The following FHAD1 variants were observed in gnomAD, a reference collection of about 807,000 sequenced individuals.
FHAD1 encodes forkhead associated phosphopeptide binding domain 1, also known as forkhead-associated domain-containing protein 1.
In FHAD1, 146 loss-of-function variants were observed where a neutral mutation model predicts 191.3. The ratio of observed to expected loss-of-function variants is 0.76; its 90% CI spans 0.67 to 0.88. The LOEUF is 0.88. Ranked by LOEUF, FHAD1 falls within the 40% of genes least tolerant of loss-of-function variation. The pLI, the probability that FHAD1 is intolerant of heterozygous loss-of-function variation, is 0.00. For synonymous variants in FHAD1, 616 were observed against 672.3 expected (o/e 0.92, Z 1.29); for missense variants, 1,635 against 1,785.8 (o/e 0.92, Z 1.52).
At chr1:15,391,292 CTCTT>C in intron 33 of FHAD1, 29 bp downstream of exon 33, 1 of 1,269,754 alleles carries the variant, frequency 7.9e-7, no homozygotes, top group Non-Finnish European at 1.0e-6. Context: ...CTTTAGAATT[CTCTT>C]TTTTTGTTGT....
At chr1:15,336,338 T>A (rs1211243344) in intron 14 of FHAD1, among the ~76,000 whole-genome samples, 2 of 152,212 alleles carry the variant, frequency 1.3e-5, no homozygotes, top group African/African-American at 4.8e-5. Context: ...CACGCTTCTG[T>A]GCTGGAAATC....
chr1:15,397,169 C>T (rs1414406882), intron 33 of FHAD1, 128 bp from the exon 34 acceptor site: 20 of 433,296 alleles, frequency 4.6e-5, no homozygotes, highest in Non-Finnish European at 4.1e-5. Context: ...CCAGCCTGGG[C>T]GATAGAGCGA....
At chr1:15,314,606 GGTATGT>G (rs2101238304) in intron 8 of FHAD1, 1 of 150,552 alleles carries the variant, frequency 6.6e-6, no homozygotes, top group East Asian at 1.9e-4. Flanking sequence ...CAGGTGTGTG[GGTATGT>G]GGGTGTGGGT....
intron 2 of FHAD1, among the ~76,000 whole-genome samples, chr1:15,263,144 G>C (rs1386015734): frequency 6.6e-6 from 1 of 152,080 alleles, no homozygotes; most frequent in Admixed American, 6.6e-5. Context: ...TTTTTTAATA[G>C]GGTTATTTTT....
chr1:15,293,456 AT>A (rs1407581686), intron 4 of FHAD1, among the ~76,000 whole-genome samples: 1 of 152,188 alleles, frequency 6.6e-6, no homozygotes, highest in African/African-American at 2.4e-5. Flanking sequence ...GCGGTGGCTC[AT>A]GCCTGTAATC....
At chr1:15,256,124 C>T (rs1201259485) in intron 2 of FHAD1, among the ~76,000 whole-genome samples, 1 of 152,170 alleles carries the variant, frequency 6.6e-6, no homozygotes. Context: ...GGGTTTTGAA[C>T]TGTAATGTTT....
At chr1:15,260,852 G>T (rs56722038) in intron 2 of FHAD1, among the ~76,000 whole-genome samples, 1 of 152,146 alleles carries the variant, frequency 6.6e-6, no homozygotes, top group South Asian at 2.1e-4. Context: ...GTTTCAAGAT[G>T]AGTCATCGTT....
chr1:15,375,534 G>T, intron 27 of FHAD1, 69 bp from the exon 28 acceptor site: 3 of 1,403,474 alleles, frequency 2.1e-6, no homozygotes, highest in Non-Finnish European at 2.8e-6. Context: ...GTAAATAGTT[G>T]CTATGGTTAT....
chr1:15,402,454 G>A (rs991174740), downstream of FHAD1, among the ~76,000 whole-genome samples: 1 of 152,110 alleles, frequency 6.6e-6, no homozygotes, highest in Non-Finnish European at 1.5e-5. Flanking sequence ...TACTTTTGAC[G>A]TCCACATATC....
chr1:15,359,491 G>C (rs1007900454), intron 21 of FHAD1, among the ~76,000 whole-genome samples: 17 of 152,104 alleles, frequency 1.1e-4, no homozygotes, highest in African/African-American at 4.1e-4. Flanking sequence ...TTAGGAGGTT[G>C]TAGGCATGGG....
intron 16 of FHAD1, among the ~76,000 whole-genome samples, chr1:15,344,827 C>T (rs1034384218): frequency 4.6e-5 from 7 of 152,182 alleles, no homozygotes; most frequent in Admixed American, 1.3e-4. Flanking sequence ...TTACTGTCTC[C>T]GTTGTACAGG....
chr1:15,265,939 C>A (rs1413900772), intron 2 of FHAD1, among the ~76,000 whole-genome samples: 1 of 134,384 alleles, frequency 7.4e-6, no homozygotes, highest in Non-Finnish European at 1.5e-5. Flanking sequence ...CCACTGCACT[C>A]CAGCCTGGGT....
In FHAD1 at chr1:15,375,646, C is replaced by T. The variant is rs1452032123; in HGVS notation, c.3621C>T (p.Asn1207=). The change falls in exon 28 of 34, where the codon AAC becomes AAT. Residue 1207 remains asparagine (N), a synonymous_variant. Coordinates refer to ENST00000688493, the MANE Select transcript of FHAD1 (RefSeq NM_001391957.1). ...HQNESFLDLK[N]LRMENNVQKI... is the part of the protein sequence containing the mutation. ...ATGAATCATTTCTAGATTTAAAGAACCTCAGAATGGAAAACAATGTCCAGA... is the reference window on the plus strand; with the variant it reads ...ATGAATCATTTCTAGATTTAAAGAATCTCAGAATGGAAAACAATGTCCAGA... The T allele has an allele frequency of 3.2e-5, 49 of 1,546,552 alleles. No individual in the cohort carries two copies. The highest frequency in any genetic ancestry group is 3.3e-5 in the Non-Finnish European group (38 of 1,145,152).
Position 15,382,133 on chromosome 1 carries a change from G to A in FHAD1, c.4128G>A (p.Glu1376=), listed in dbSNP as rs748348956. 6.4e-7 allele frequency: 1 copy of A among 1,552,126 alleles called. No homozygotes were observed. Among genetic ancestry groups the A allele is most frequent in the South Asian group, 1.2e-5 (1 of 84,058 alleles). The change falls in exon 31 of 34, where the codon GAG becomes GAA. Residue 1376 remains glutamate (E), a synonymous_variant. Transcript: ENST00000688493. ...EEKALLKEAL[E]RMEHQLCQEK... is the part of the protein sequence containing the mutation. The stretch of plus-strand genomic sequence containing the variant: ...AGGCCCTGCTGAAGGAGGCCCTGGA[G>A]CGCATGGAGCACCAGCTGTGCCAGG...
chr1:15,241,237 C>T (rs1158827916), intron 1 of FHAD1, among the ~76,000 whole-genome samples: 1 of 152,190 alleles, frequency 6.6e-6, no homozygotes, highest in Non-Finnish European at 1.5e-5. Context: ...GAATGAACCA[C>T]AGCTACTTGA....
In FHAD1 at chr1:15,386,366, G is replaced by A. The variant is rs995105838; in HGVS notation, c.4189-1685G>A. On this transcript the variant is annotated intron_variant, in intron 31 of 33. Transcript: ENST00000688493. ...CCCGGGTCCTCCTAGAGCCGGCAGC[G>A]CCTTTGTAAAGCTGTCTTTTCTCTT... Among the ~76,000 whole-genome samples, 10 of 152,226 alleles carry A rather than the reference G, an allele frequency of 6.6e-5. 1 individual carries two copies. Among genetic ancestry groups the A allele is most frequent in the Non-Finnish European group, 1.0e-4 (7 of 68,044 alleles).
At chr1:15,345,898 C>T (rs1688746227) in intron 18 of FHAD1, among the ~76,000 whole-genome samples, 1 of 152,168 alleles carries the variant, frequency 6.6e-6, no homozygotes, top group Admixed American at 6.5e-5. Context: ...AAGCCTCCAG[C>T]CTTCAGCACC....
chr1:15,321,266 G>A (rs1442761199), intron 10 of FHAD1, among the ~76,000 whole-genome samples: 1 of 152,076 alleles, frequency 6.6e-6, no homozygotes, highest in Non-Finnish European at 1.5e-5. Context: ...CTTTGCCCCC[G>A]TACTAGCTTG....
At chr1:15,260,501 C>T (rs953688084) in intron 2 of FHAD1, among the ~76,000 whole-genome samples, 3 of 152,152 alleles carry the variant, frequency 2.0e-5, no homozygotes, top group African/African-American at 4.8e-5. Context: ...AAGTGTTGGC[C>T]GCCTGGGCTC....
Sources: allele counts gnomAD v4.1 joint callset (sites outside exome capture counted in the v4.1 genomes callset), GRCh38; gene constraint gnomAD v4.1.1; transcripts MANE v1.5; gene names NCBI Gene and HGNC (gene_info 2026-07-23, HGNC 2026-07-21).